The following TTC7A variants were observed in gnomAD, a reference collection of about 807,000 sequenced individuals.
TTC7A encodes the protein tetratricopeptide repeat domain 7A.
Under a neutral mutation model 103.7 loss-of-function variants are expected in TTC7A, and 110 were observed. The ratio of observed to expected loss-of-function variants is 1.06; its 90% CI spans 0.91 to 1.24. TTC7A has a LOEUF of 1.24. Among genes scored for constraint, TTC7A ranks in the 50% most tolerant of loss-of-function variants. The pLI is 0.00. For synonymous variants in TTC7A, 521 were observed against 467.9 expected (o/e 1.11, Z -1.47); for missense variants, 1,340 against 1,116.3 (o/e 1.20, Z -2.86).
At chr2:46,992,244 T>C (rs72806566) in intron 5 of TTC7A, among the ~76,000 whole-genome samples, 17,811 of 152,214 alleles carry the variant, frequency 0.12, 1,501 homozygotes, top group African/African-American at 0.24. Flanking sequence ...GGTGGAGCTT[T>C]AGAAACACGG....
At chr2:46,944,986 C>T (rs950558570) in intron 1 of TTC7A, among the ~76,000 whole-genome samples, 1 of 152,156 alleles carries the variant, frequency 6.6e-6, no homozygotes, top group African/African-American at 2.4e-5. Context: ...GGTCTCTGTA[C>T]CCCACCCAAC....
intron 16 of TTC7A, chr2:47,047,172 C>T: frequency 1.4e-6 from 1 of 729,324 alleles, no homozygotes; most frequent in Non-Finnish European, 2.3e-6. Flanking sequence ...CCTGCCTCTT[C>T]CTGATCCTCT....
chr2:47,056,698 G>A (rs577209130), intron 18 of TTC7A, among the ~76,000 whole-genome samples: 43 of 152,348 alleles, frequency 2.8e-4, no homozygotes, highest in African/African-American at 9.9e-4. Flanking sequence ...GTAGCCTGCC[G>A]AGAGAAAGCA....
chr2:46,972,223 A>G (rs1339814660), intron 3 of TTC7A, among the ~76,000 whole-genome samples: 1 of 151,786 alleles, frequency 6.6e-6, no homozygotes, highest in Non-Finnish European at 1.5e-5. Context: ...CCTGACGCAA[A>G]TACAGTTGTT....
At chr2:47,020,388 T>C (rs1438395387) in intron 11 of TTC7A, among the ~76,000 whole-genome samples, 2 of 152,218 alleles carry the variant, frequency 1.3e-5, no homozygotes, top group African/African-American at 4.8e-5. Context: ...TGGGTCCACC[T>C]GGCCGGCTGA....
chr2:46,926,697 CA>C (rs1572642409), intron 2 of TTC7A, among the ~76,000 whole-genome samples: 1 of 152,188 alleles, frequency 6.6e-6, no homozygotes, highest in Non-Finnish European at 1.5e-5. Flanking sequence ...ATGATTTCTA[CA>C]ATAATTTTTC....
In TTC7A at chr2:47,011,387, C is replaced by T. The variant is rs754482689; in HGVS notation, c.1344C>T (p.Pro448=). ...RECVKLRPSD[P]TVPLMAAKVC... is the part of the protein sequence containing the mutation. Reference sequence around the variant, plus strand: ...GTGTGAAGTTGCGGCCCTCGGACCCCACCGTGCCCCTGATGGCCGCGAAGG... The same window carrying T: ...GTGTGAAGTTGCGGCCCTCGGACCCTACCGTGCCCCTGATGGCCGCGAAGG... Residue 448 remains proline, a synonymous_variant, in exon 11 of 20, where the codon CCC becomes CCT. Transcript: ENST00000319190. 1.1e-5 allele frequency: 17 copies of T among 1,612,028 alleles called. No homozygotes were observed. The South Asian group carries it at 1.3e-4, about 13-fold the overall frequency.
At chr2:46,978,689 G>T in intron 4 of TTC7A, 103 bp from the exon 5 acceptor site, 1 of 809,912 alleles carries the variant, frequency 1.2e-6, no homozygotes. Context: ...ATGTGCCCCT[G>T]AACAACTGGG....
rs1262331193 is a variant in TTC7A, at chr2:46,986,228, T to A, written c.765-7222T>A. On this transcript the variant is annotated intron_variant, in intron 5 of 19. Transcript: ENST00000319190. The stretch of plus-strand genomic sequence containing the variant: ...AGCATTTTCTGCTGGTTACATTCCA[T>A]CCTGCCCTCCTAGCCTCTTGGGTTG... Among the ~76,000 whole-genome samples, 3 of 152,138 alleles carry A rather than the reference T, an allele frequency of 2.0e-5. No homozygotes were observed. The East Asian group carries it at 5.8e-4, about 29-fold the overall frequency.
rs138383760 is a variant in TTC7A, at chr2:47,016,869, G to A, written c.1393-4993G>A. ...GAGCAATTTTTCCAGATCGCAGGTGGGGCCCATTAGTGGGCTGTGAAATAG... is the reference window on the plus strand; with the variant it reads ...GAGCAATTTTTCCAGATCGCAGGTGAGGCCCATTAGTGGGCTGTGAAATAG... On this transcript the variant is annotated intron_variant, in intron 11 of 19. Transcript: ENST00000319190. Among the ~76,000 whole-genome samples, 121 of 152,234 alleles carry A rather than the reference G, an allele frequency of 7.9e-4. 2 individuals are homozygous for A. The East Asian group carries it at 0.023, about 29-fold the overall frequency.
At chr2:46,993,827 C>T (rs772027655) in intron 6 of TTC7A, among the ~76,000 whole-genome samples, 8 of 152,156 alleles carry the variant, frequency 5.3e-5, no homozygotes, top group Non-Finnish European at 1.0e-4. Context: ...AGGTGCTATG[C>T]GAACTTTTAG....
At chr2:47,065,049 A>G (rs1684073564) in intron 19 of TTC7A, among the ~76,000 whole-genome samples, 1 of 152,180 alleles carries the variant, frequency 6.6e-6, no homozygotes, top group Admixed American at 6.5e-5. Context: ...GCAGTTTGGG[A>G]GGCCGAGGCG....
intron 10 of TTC7A, among the ~76,000 whole-genome samples, chr2:47,009,809 G>C (rs1222576377): frequency 6.6e-6 from 1 of 150,424 alleles, no homozygotes; most frequent in African/African-American, 2.4e-5. Flanking sequence ...GGTCACACAG[G>C]TACAGGGGTG....
At chr2:47,029,159 G>A (rs1293868606) in intron 14 of TTC7A, 65 bp from the exon 15 acceptor site, 16 of 1,581,896 alleles carry the variant, frequency 1.0e-5, no homozygotes, top group African/African-American at 8.0e-5. Flanking sequence ...TGACTGGCAC[G>A]TGGCTCCTGA....
chr2:47,042,331 G>A (rs934932115), intron 15 of TTC7A, among the ~76,000 whole-genome samples: 11 of 151,932 alleles, frequency 7.2e-5, no homozygotes, highest in African/African-American at 1.7e-4. Flanking sequence ...GTGAGACCCC[G>A]TCTAACAAAA....
At position 46,928,126 on chromosome 2, in the gene TTC7A, A is replaced by G. The variant is rs371604681; in HGVS notation, c.82+10849A>G. 6.6e-5 allele frequency among the ~76,000 whole-genome samples: 10 copies of G among 151,640 alleles called. No homozygotes were observed. In the East Asian group the frequency reaches 9.7e-4, roughly 15 times the overall value. ...AGGCTGGTCTCTAACTCCTCGGCTC[A>G]GGTGATCTGCCCACCTTAACCTCCC... is the stretch of plus-strand genomic sequence containing the variant. On this transcript the variant is annotated intron_variant, in intron 2 of 20. Transcript: ENST00000409245.
chr2:47,069,030 T>G (rs1329983646), intron 19 of TTC7A, among the ~76,000 whole-genome samples: 1 of 152,032 alleles, frequency 6.6e-6, no homozygotes, highest in African/African-American at 2.4e-5. Context: ...GGCCCCCTTC[T>G]CACTCCCCAT....
At chr2:47,016,668 TG>T (rs1293771369) in intron 11 of TTC7A, among the ~76,000 whole-genome samples, 1 of 152,248 alleles carries the variant, frequency 6.6e-6, no homozygotes, top group African/African-American at 2.4e-5. Flanking sequence ...AGCCCGGTGC[TG>T]TAACCTGAGC....
intron 4 of TTC7A, among the ~76,000 whole-genome samples, chr2:46,976,418 G>A (rs749630000): frequency 1.8e-4 from 27 of 152,248 alleles, no homozygotes; most frequent in African/African-American, 2.7e-4. Flanking sequence ...CATGTTAGAT[G>A]GAAGGTTCTA....
Sources: gnomAD v4.1 joint callset for allele counts (sites outside exome capture counted in the v4.1 genomes callset) on GRCh38, gnomAD v4.1.1 for gene constraint, MANE v1.5 for transcripts, NCBI Gene and HGNC (gene_info 2026-07-23, HGNC 2026-07-21) for gene names.